Variants in MME observed in about 807,000 individuals in gnomAD.
MME encodes the protein neprilysin.
A neutral mutation model predicts 113.2 loss-of-function variants in MME; 98 were observed. The ratio of observed to expected loss-of-function variants is 0.87; its 90% CI spans 0.74 to 1.02. The LOEUF is 1.02. MME is among the 50% of genes least tolerant of loss of function. MME has a pLI of 0.00. For synonymous variants in MME, 292 were observed against 300.6 expected (o/e 0.97, Z 0.30); for missense variants, 836 against 896.0 (o/e 0.93, Z 0.86).
chr3:155,068,625 A>G (rs1301011579), intron 1 of MME, among the ~76,000 whole-genome samples: 1 of 152,232 alleles, frequency 6.6e-6, no homozygotes, highest in African/African-American at 2.4e-5. Flanking sequence ...GTGCTAAAGT[A>G]GCACAAGTTT....
At chr3:155,037,372 G>A (rs1165648956) in intron 1 of MME, among the ~76,000 whole-genome samples, 1 of 152,130 alleles carries the variant, frequency 6.6e-6, no homozygotes, top group Non-Finnish European at 1.5e-5. Context: ...CTTTAGAGGA[G>A]GAAATTGAAC....
upstream of MME, among the ~76,000 whole-genome samples, chr3:155,079,151 G>T (rs1272809737): frequency 1.3e-5 from 2 of 152,142 alleles, no homozygotes; most frequent in Admixed American, 1.3e-4. Flanking sequence ...AAGCGGGGTG[G>T]AGAAAGCAGG....
At chr3:155,126,819 G>C (rs943413401) in intron 8 of MME, among the ~76,000 whole-genome samples, 2 of 151,964 alleles carry the variant, frequency 1.3e-5, no homozygotes, top group African/African-American at 4.8e-5. Flanking sequence ...GACCACCATG[G>C]AGAAACCCCA....
rs946752416 is a variant in MME at position 155,143,362 on chromosome 3, G to A, written c.1189-81G>A. ...ATGAATATTTCAAGAACTTAGATGA[G>A]ACATTTGTGAAATGTGTGCTCTTAA... is the stretch of plus-strand genomic sequence containing the variant. On this transcript the variant is annotated intron_variant, in intron 12 of 22. Transcript: ENST00000360490. 8.0e-6 allele frequency: 12 copies of A among 1,496,294 alleles called. No homozygotes were observed. In the African/African-American group the frequency reaches 1.7e-4, roughly 21 times the overall value. The allele number at this position is 1,496,294 out of a possible 1,614,324, so 92.7% of individuals were successfully genotyped here. A position where few individuals can be genotyped will look rare whatever the true frequency, so the allele number is the denominator to read the frequency against.
intron 3 of MME, among the ~76,000 whole-genome samples, chr3:155,089,382 C>G (rs1209892627): frequency 6.6e-6 from 1 of 152,166 alleles, no homozygotes; most frequent in Non-Finnish European, 1.5e-5. Context: ...CAGGGTTTCT[C>G]AACTCAATCA....
upstream of MME, among the ~76,000 whole-genome samples, chr3:155,077,338 T>A (rs892386268): frequency 6.6e-6 from 1 of 152,226 alleles, no homozygotes; most frequent in African/African-American, 2.4e-5. Context: ...TAATAACTTA[T>A]GTATGGCCAC....
intron 1 of MME, among the ~76,000 whole-genome samples, chr3:155,072,917 C>T (rs1279917607): frequency 2.0e-5 from 3 of 152,096 alleles, no homozygotes; most frequent in African/African-American, 7.2e-5. Context: ...TTTTATTAGC[C>T]TATAAAATGT....
chr3:155,149,678 T>A (rs1348810428), intron 16 of MME, among the ~76,000 whole-genome samples: 1 of 151,624 alleles, frequency 6.6e-6, no homozygotes, highest in Non-Finnish European at 1.5e-5. Context: ...CCAAGCAAAG[T>A]ACAAAGTGCT....
chr3:155,157,060 C>T (rs574183859), intron 16 of MME, among the ~76,000 whole-genome samples: 4 of 152,174 alleles, frequency 2.6e-5, no homozygotes, highest in Admixed American at 2.0e-4. Flanking sequence ...ACACCTGGTT[C>T]CTCTGTCAGG....
intron 20 of MME, among the ~76,000 whole-genome samples, chr3:155,170,542 G>C (rs924674367): frequency 6.6e-6 from 1 of 152,158 alleles, no homozygotes. Context: ...TCTACTCTGT[G>C]AATCTTGGGG....
At chr3:155,034,583 T>C (rs1486923540) in intron 1 of MME, among the ~76,000 whole-genome samples, 1 of 152,186 alleles carries the variant, frequency 6.6e-6, no homozygotes, top group Admixed American at 6.5e-5. Context: ...TGATTAGATT[T>C]CAGAAGGTTA....
chr3:155,102,618 C>T (rs564178303), intron 3 of MME, among the ~76,000 whole-genome samples: 4 of 152,138 alleles, frequency 2.6e-5, no homozygotes, highest in Admixed American at 6.5e-5. Flanking sequence ...TAGAACTTTG[C>T]GACCAGCCAG....
chr3:155,120,307 G>A (rs1719022672), intron 8 of MME, among the ~76,000 whole-genome samples: 1 of 111,802 alleles, frequency 8.9e-6, no homozygotes, highest in Admixed American at 1.0e-4. Flanking sequence ...TGTAGATTCT[G>A]GATATTAGCC....
intron 1 of MME, among the ~76,000 whole-genome samples, chr3:155,054,205 T>C (rs898787781): frequency 2.0e-5 from 3 of 152,236 alleles, no homozygotes; most frequent in Admixed American, 6.5e-5. Flanking sequence ...ATTTCAACTA[T>C]TGGATTTTTT....
intron 8 of MME, among the ~76,000 whole-genome samples, chr3:155,125,444 CTTTTTTTTT>C (rs1165027340): frequency 1.1e-4 from 7 of 65,286 alleles, no homozygotes; most frequent in Non-Finnish European, 1.6e-4. Flanking sequence ...GCTCCTCCTC[CTTTTTTTTT>C]TTTTTTTTTT....
intron 17 of MME, among the ~76,000 whole-genome samples, chr3:155,161,922 G>T (rs1292257983): frequency 6.6e-6 from 1 of 152,082 alleles, no homozygotes; most frequent in Non-Finnish European, 1.5e-5. Context: ...TTCAAATCTT[G>T]TTTTAAAATG....
chr3:155,066,317 C>G (rs1451515462), intron 1 of MME, among the ~76,000 whole-genome samples: 1 of 152,096 alleles, frequency 6.6e-6, no homozygotes, highest in Non-Finnish European at 1.5e-5. Context: ...TTATTGCCCT[C>G]TTTGTATTTT....
intron 1 of MME, among the ~76,000 whole-genome samples, chr3:155,049,381 G>T (rs770999375): frequency 6.6e-6 from 1 of 152,058 alleles, no homozygotes; most frequent in Non-Finnish European, 1.5e-5. Flanking sequence ...ATACATCCAC[G>T]AGCCAAAGAA....
intron 17 of MME, among the ~76,000 whole-genome samples, chr3:155,166,569 G>A (rs61760392): frequency 6.6e-5 from 10 of 152,138 alleles, no homozygotes; most frequent in Non-Finnish European, 1.5e-4. Context: ...ACTCCTTACA[G>A]CACAAAACAA....
Sources: gnomAD v4.1 joint callset for allele counts (sites outside exome capture counted in the v4.1 genomes callset) on GRCh38, gnomAD v4.1.1 for gene constraint, MANE v1.5 for transcripts, NCBI Gene and HGNC (gene_info 2026-07-23, HGNC 2026-07-21) for gene names.